CDKN2B-AS1: variants seen among roughly 807,000 people sequenced by gnomAD.
CDKN2B-AS1 encodes the protein CDKN2B antisense RNA 1 (non-protein coding).
At chr9:22,059,046 C>G (rs553435734) in intron 4 of CDKN2B-AS1, 55 of 152,662 alleles carry the variant, frequency 3.6e-4, no homozygotes, top group Non-Finnish European at 6.0e-4. Context: ...CTGGGAGAAA[C>G]AATTCAAGGT....
intron 3 of CDKN2B-AS1, among the ~76,000 whole-genome samples, chr9:22,055,552 GT>G (rs1823525053): frequency 6.6e-6 from 1 of 152,022 alleles, no homozygotes. Context: ...TAGGTTGGTT[GT>G]TTTTTGTTTT....
rs1256822946 is a variant in CDKN2B-AS1, at chr9:22,091,184, A to G, written n.438+34797A>G. ...GCGCTTTGTTCTGTTCCATTGGTCT[A>G]TATCTCTGTTTTGGTACCAGTACCA... On this transcript the variant is annotated intron_variant and non_coding_transcript_variant, in intron 4 of 4. Transcript: ENST00000650946. Among the ~76,000 whole-genome samples the G allele has an allele frequency of 3.9e-5, 6 of 152,092 alleles. No homozygotes were observed. The South Asian group carries it at 8.3e-4, about 21-fold the overall frequency.
chr9:22,025,317 C>T (rs542458067), intron 1 of CDKN2B-AS1, among the ~76,000 whole-genome samples: 202 of 152,328 alleles, frequency 1.3e-3, no homozygotes, highest in African/African-American at 4.7e-3. Context: ...CTTGAGTCAA[C>T]TGCTGCTTAT....
chr9:22,090,434 A>C (rs1825037652), intron 4 of CDKN2B-AS1, among the ~76,000 whole-genome samples: 1 of 152,228 alleles, frequency 6.6e-6, no homozygotes, highest in South Asian at 2.1e-4. Context: ...ACTAGTTTAC[A>C]GTCCCACCAG....
chr9:22,094,072 T>C (rs1349050474), intron 4 of CDKN2B-AS1, among the ~76,000 whole-genome samples: 1 of 144,328 alleles, frequency 6.9e-6, no homozygotes, highest in Non-Finnish European at 1.5e-5. Flanking sequence ...CTCCTTCACT[T>C]ATGAAGCTTA....
At chr9:22,048,586 A>G (rs972487346) in intron 2 of CDKN2B-AS1, among the ~76,000 whole-genome samples, 1 of 152,104 alleles carries the variant, frequency 6.6e-6, no homozygotes, top group South Asian at 2.1e-4. Flanking sequence ...AATATCTTTC[A>G]TTTCTTCTTT....
intron 1 of CDKN2B-AS1, among the ~76,000 whole-genome samples, chr9:22,041,281 C>T (rs925594780): frequency 6.6e-6 from 1 of 152,002 alleles, no homozygotes; most frequent in Non-Finnish European, 1.5e-5. Flanking sequence ...ACCTGAACCT[C>T]TTCAGTAGGT....
chr9:22,042,530 G>A (rs1822939810), intron 1 of CDKN2B-AS1, among the ~76,000 whole-genome samples: 1 of 152,060 alleles, frequency 6.6e-6, no homozygotes, highest in Non-Finnish European at 1.5e-5. Context: ...TCATCTGTGT[G>A]GTTGTGAGTC....
rs79356439 is a variant in CDKN2B-AS1 at position 22,011,361 on chromosome 9, A to G, written n.29+16200A>G. Among the ~76,000 whole-genome samples, 788 of 152,354 alleles carry G rather than the reference A, an allele frequency of 5.2e-3. 1 individual carries two copies. The highest frequency in any genetic ancestry group is 7.7e-3 in the Non-Finnish European group (521 of 68,038). On this transcript the variant is annotated intron_variant and non_coding_transcript_variant, in intron 1 of 4. Transcript: ENST00000650946. ...ATTTAGAAGACGAGAAGAGAAATCA[A>G]ACTTATTGTGTACTCTGTACGAAGT... is the stretch of plus-strand genomic sequence containing the variant.
chr9:22,010,332 A>G (rs1821435094), intron 1 of CDKN2B-AS1, among the ~76,000 whole-genome samples: 1 of 152,198 alleles, frequency 6.6e-6, no homozygotes, highest in Admixed American at 6.5e-5. Flanking sequence ...ATTGGATAGG[A>G]AGAGAACCGC....
At chr9:22,010,390 T>A (rs1031666021) in intron 1 of CDKN2B-AS1, among the ~76,000 whole-genome samples, 2 of 152,196 alleles carry the variant, frequency 1.3e-5, no homozygotes, top group African/African-American at 4.8e-5. Context: ...ACTGCATAAG[T>A]GGACCTCTCC....
At chr9:22,061,534 T>G (rs886657560) in intron 4 of CDKN2B-AS1, among the ~76,000 whole-genome samples, 1 of 152,168 alleles carries the variant, frequency 6.6e-6, no homozygotes, top group East Asian at 1.9e-4. Flanking sequence ...ACATTTAAAA[T>G]GCATAATCAA....
intron 4 of CDKN2B-AS1, among the ~76,000 whole-genome samples, chr9:22,099,268 G>T (rs1290418072): frequency 6.6e-6 from 1 of 152,142 alleles, no homozygotes; most frequent in East Asian, 1.9e-4. Flanking sequence ...AAGGAGGCCG[G>T]AAATGGGAAG....
rs1025066718 is a variant in CDKN2B-AS1, at chr9:22,005,425, A to T, written n.29+10264A>T. The stretch of plus-strand genomic sequence containing the variant: ...TACGCATGTGACTTGCCATGCGCTC[A>T]AACTAAAGCGCCGCCGGGGACTTAC... On this transcript the variant is annotated intron_variant and non_coding_transcript_variant, in intron 1 of 4. Coordinates refer to ENST00000650946, the Ensembl canonical transcript of CDKN2B-AS1. This position sits in a 1 kb window ranked among gnomAD's most constrained non-coding sequence, Gnocchi z 4.9. 1 of 246,888 alleles carries T rather than the reference A, an allele frequency of 4.1e-6. No individual in the cohort carries two copies. Among genetic ancestry groups the T allele is most frequent in the African/African-American group, 2.2e-5 (1 of 45,434 alleles). The allele number at this position is 246,888 out of a possible 1,614,324, so 15.3% of individuals were successfully genotyped here.
chr9:22,008,991 A>C (rs773900368), intron 1 of CDKN2B-AS1: 6 of 1,613,302 alleles, frequency 3.7e-6, no homozygotes, highest in South Asian at 3.3e-5. Context: ...CGGATAATCC[A>C]CCGTTGGCCG....
chr9:22,037,662 A>G (rs1822744413), intron 1 of CDKN2B-AS1, among the ~76,000 whole-genome samples: 1 of 152,068 alleles, frequency 6.6e-6, no homozygotes. Flanking sequence ...TTTCCTGTAT[A>G]AGAAAATACA....
At chr9:22,067,857 G>A (rs1389852975) in intron 4 of CDKN2B-AS1, among the ~76,000 whole-genome samples, 3 of 152,158 alleles carry the variant, frequency 2.0e-5, no homozygotes, top group Non-Finnish European at 4.4e-5. Context: ...AGAAGGCAAA[G>A]GAATCAATGA....
intron 1 of CDKN2B-AS1, chr9:22,008,584 C>G: frequency 1.4e-6 from 2 of 1,384,118 alleles, no homozygotes; most frequent in South Asian, 2.7e-5. Flanking sequence ...AGAACAAAAA[C>G]CACTAAAAAA....
chr9:22,075,206 C>A (rs1020658099), intron 4 of CDKN2B-AS1, among the ~76,000 whole-genome samples: 24 of 152,314 alleles, frequency 1.6e-4, no homozygotes, highest in Admixed American at 1.6e-3. Flanking sequence ...ATGTTATAGA[C>A]TCTAGGCTAG....
Sources: allele counts gnomAD v4.1 joint callset (sites outside exome capture counted in the v4.1 genomes callset), GRCh38; gene constraint gnomAD v4.1.1; non-coding constraint Gnocchi (gnomAD v3.1); transcripts MANE v1.5; gene names NCBI Gene and HGNC (gene_info 2026-07-23, HGNC 2026-07-21).